VRK3: variants seen among roughly 807,000 people sequenced by gnomAD.
The protein encoded by VRK3 is serine/threonine-protein kinase VRK3.
Under a neutral mutation model 60.4 loss-of-function variants are expected in VRK3, and 50 were observed. The ratio of observed to expected loss-of-function variants is 0.83; its 90% CI spans 0.66 to 1.05. The LOEUF is 1.05. VRK3 is among the 50% of genes least tolerant of loss of function. The pLI, the probability that VRK3 is intolerant of heterozygous loss-of-function variation, is 0.00. For missense variants in VRK3, 549 were observed against 585.3 expected, an observed-to-expected ratio of 0.94 and a Z score of 0.64; for synonymous variants, 246 against 227.8, an observed-to-expected ratio of 1.08 and a Z score of -0.72.
At chr19:49,989,502 G>A in intron 11 of VRK3, 137 bp downstream of exon 11, 1 of 1,226,008 alleles carries the variant, frequency 8.2e-7, no homozygotes, top group East Asian at 2.7e-5. Flanking sequence ...GACGCTGTCT[G>A]TGGTTCCAAT....
rs11879620 is a variant in VRK3 at position 50,000,840 on chromosome 19, T to C, written c.562A>G (p.Thr188Ala). 9.8e-3 allele frequency: 15,866 copies of C among 1,613,460 alleles called. 1,357 individuals carry two copies. The African/African-American group carries it at 0.19, about 19-fold the overall frequency. ...TGTGGTCCTGAGTCACAGGTGAGGG[T>C]GGAGGTGGGTGCAGCTGTGGGGGAA... is the stretch of plus-strand genomic sequence containing the variant. ...GILYEAAPTS[T>A]LTCDSGPQKQ... Residue 188 changes from threonine to alanine, a missense_variant, in exon 6 of 15, where the codon ACC (threonine) becomes GCC (alanine). By Grantham distance (58) the Thr-to-Ala change is moderately conservative (BLOSUM62 0). Coordinates refer to ENST00000316763, the MANE Select transcript of VRK3 (RefSeq NM_016440.4).
intron 6 of VRK3, chr19:49,997,771 T>C: frequency 1.8e-6 from 1 of 540,666 alleles, no homozygotes; most frequent in South Asian, 2.5e-5. Flanking sequence ...TTCCTTTTCT[T>C]TCTCTTATGG....
intron 7 of VRK3, 167 bp downstream of exon 7, chr19:49,997,337 C>T (rs2076723623): frequency 3.1e-6 from 2 of 652,132 alleles, no homozygotes; most frequent in Non-Finnish European, 5.2e-6. Flanking sequence ...ACAACACACA[C>T]TGAGGCCTGA....
At chr19:50,009,655 A>G (rs1354921913) in intron 3 of VRK3, among the ~76,000 whole-genome samples, 1 of 152,030 alleles carries the variant, frequency 6.6e-6, no homozygotes, top group Non-Finnish European at 1.5e-5. Flanking sequence ...TATATTTGAG[A>G]TGGAGTCTCA....
intron 14 of VRK3, among the ~76,000 whole-genome samples, chr19:49,977,593 G>A (rs987699771): frequency 9.9e-5 from 15 of 152,184 alleles, no homozygotes; most frequent in African/African-American, 3.1e-4. Context: ...AGTCAGACGC[G>A]ACCCTGCCCT....
chr19:49,996,975 A>G (rs2076716247), intron 7 of VRK3: 1 of 151,900 alleles, frequency 6.6e-6, no homozygotes, highest in Non-Finnish European at 1.5e-5. Flanking sequence ...ATCTTCCTAA[A>G]AATTTATTTT....
chr19:49,994,138 C>G (rs1276032458), intron 9 of VRK3, among the ~76,000 whole-genome samples: 1 of 152,162 alleles, frequency 6.6e-6, no homozygotes, highest in African/African-American at 2.4e-5. Context: ...CTCAGCATGT[C>G]GCTCCCTTGG....
At chr19:49,990,025 A>T (rs905773822) in intron 10 of VRK3, among the ~76,000 whole-genome samples, 2 of 151,406 alleles carry the variant, frequency 1.3e-5, no homozygotes, top group African/African-American at 4.9e-5. Flanking sequence ...ATCATTCCAA[A>T]ATTTTTTTTT....
intron 6 of VRK3, chr19:49,997,806 T>C (rs2076731666): frequency 4.5e-6 from 2 of 445,910 alleles, no homozygotes; most frequent in Admixed American, 3.8e-5. Flanking sequence ...TTCCCTAGAA[T>C]GTAGCCTTCA....
At chr19:49,995,867 G>T (rs2076693979) in intron 7 of VRK3, among the ~76,000 whole-genome samples, 1 of 152,156 alleles carries the variant, frequency 6.6e-6, no homozygotes, top group African/African-American at 2.4e-5. Context: ...TCCTGCCTCA[G>T]CCTTCCATGT....
chr19:49,998,312 C>G (rs2076740288), intron 6 of VRK3: 1 of 151,856 alleles, frequency 6.6e-6, no homozygotes, highest in Admixed American at 6.6e-5. Context: ...CATGGTGAAA[C>G]CCTGCCTCTA....
At chr19:50,009,415 G>C in intron 3 of VRK3, 30 bp from the exon 4 acceptor site, 1 of 1,610,492 alleles carries the variant, frequency 6.2e-7, no homozygotes, top group African/African-American at 1.3e-5. Flanking sequence ...ATGCAGACTG[G>C]AGTTACAAAG....
At chr19:49,997,856 A>G (rs929192840) in intron 6 of VRK3, 1 of 296,170 alleles carries the variant, frequency 3.4e-6, no homozygotes, top group Non-Finnish European at 6.4e-6. Flanking sequence ...TGCAGTGAGG[A>G]CTGACCACAT....
At chr19:49,987,837 G>A (rs894264657) in intron 12 of VRK3, 9 of 152,330 alleles carry the variant, frequency 5.9e-5, no homozygotes, top group African/African-American at 2.2e-4. Flanking sequence ...CAAGTAGCTG[G>A]GACTACAGGC....
intron 6 of VRK3, 146 bp downstream of exon 6, chr19:50,000,644 C>G: frequency 1.1e-6 from 1 of 908,724 alleles, no homozygotes; most frequent in Non-Finnish European, 1.7e-6. Flanking sequence ...GGGCGCCTGC[C>G]CCGCCCACGG....
intron 11 of VRK3, 106 bp downstream of exon 11, chr19:49,989,533 T>C (rs1385164501): frequency 7.0e-7 from 1 of 1,429,022 alleles, no homozygotes; most frequent in African/African-American, 1.4e-5. Flanking sequence ...GCGCCCTTAG[T>C]GCCTCTCCTG....
At chr19:49,997,214 G>T in intron 7 of VRK3, 1 of 266,074 alleles carries the variant, frequency 3.8e-6, no homozygotes, top group South Asian at 8.0e-5. Context: ...CAAACTCCTG[G>T]CCTCAAGTGA....
At position 49,980,948 on chromosome 19, in the gene VRK3, G is replaced by A; in HGVS notation, c.1276+7C>T. The A allele has an allele frequency of 6.2e-7, 1 of 1,608,240 alleles. No individual in the cohort carries two copies. Among genetic ancestry groups the A allele is most frequent in the South Asian group, 1.1e-5 (1 of 89,746 alleles). ...CCCCGCCTGTTCCCGCTCCCTTCAGGACGTACCTGAGGGCCTGATCCAGTG... is the reference window on the plus strand; with the variant it reads ...CCCCGCCTGTTCCCGCTCCCTTCAGAACGTACCTGAGGGCCTGATCCAGTG... On this transcript the variant is annotated splice_region_variant and intron_variant, in intron 13 of 14. Transcript: ENST00000316763.
chr19:49,993,331 T>C (rs1376798487), intron 9 of VRK3, among the ~76,000 whole-genome samples: 1 of 152,206 alleles, frequency 6.6e-6, no homozygotes, highest in Non-Finnish European at 1.5e-5. Context: ...TAAATCTTGT[T>C]AAGCAATTTA....
Sources: allele counts gnomAD v4.1 joint callset (sites outside exome capture counted in the v4.1 genomes callset), GRCh38; gene constraint gnomAD v4.1.1; transcripts MANE v1.5; gene names NCBI Gene and HGNC (gene_info 2026-07-23, HGNC 2026-07-21).